SASH1: variants seen among roughly 807,000 people sequenced by gnomAD.
SASH1 encodes SAM and SH3 domain-containing protein 1.
SASH1 carries 44 observed loss-of-function variants against 125.2 expected under a neutral mutation model. That is an observed-to-expected ratio of 0.35 (90% CI 0.28 to 0.45). The LOEUF (loss-of-function observed/expected upper bound fraction) is 0.45. SASH1 is among the 20% of genes least tolerant of loss of function. SASH1 has a pLI of 1.00. For missense variants in SASH1, 1,426 were observed against 1,614.5 expected, an observed-to-expected ratio of 0.88 and a Z score of 2.00; for synonymous variants, 639 against 649.1, an observed-to-expected ratio of 0.98 and a Z score of 0.24.
chr6:148,478,062 C>A (rs1409839768), intron 7 of SASH1, among the ~76,000 whole-genome samples: 3 of 152,032 alleles, frequency 2.0e-5, no homozygotes, highest in Non-Finnish European at 4.4e-5. Flanking sequence ...GAAAGGGGGA[C>A]CCTCATATAT....
At chr6:148,208,662 T>C in the SASH1 span, among the ~76,000 whole-genome samples, 22 of 152,346 alleles carry the variant, frequency 1.4e-4, no homozygotes, top group Non-Finnish European at 7.3e-5. Flanking sequence ...TAGGTTTAGC[T>C]TTTTCTTGTT....
intron 2 of SASH1, among the ~76,000 whole-genome samples, chr6:148,410,383 G>C (rs1010648183): frequency 2.6e-5 from 4 of 151,996 alleles, no homozygotes; most frequent in Non-Finnish European, 5.9e-5. Flanking sequence ...GAGCAGTCCT[G>C]ATGAGCCCTC....
chr6:148,437,294 G>A (rs1206470056), intron 2 of SASH1, among the ~76,000 whole-genome samples: 1 of 152,020 alleles, frequency 6.6e-6, no homozygotes, highest in Non-Finnish European at 1.5e-5. Context: ...TTTTACTTTA[G>A]AATGTGTTTG....
chr6:148,233,289 G>A, the SASH1 span, among the ~76,000 whole-genome samples: 2 of 151,448 alleles, frequency 1.3e-5, no homozygotes, highest in African/African-American at 2.4e-5. Context: ...GTCTGACACC[G>A]AAGTTCATGC....
intron 1 of SASH1, among the ~76,000 whole-genome samples, chr6:148,308,220 C>G (rs1377748497): frequency 1.3e-5 from 2 of 151,876 alleles, no homozygotes; most frequent in Non-Finnish European, 2.9e-5. Context: ...TGTATCGCAC[C>G]TTGGGCAAAA....
Position 148,390,138 on chromosome 6 carries a change from G to T in SASH1, c.161G>T (p.Gly54Val). 2 of 1,613,108 alleles carry T rather than the reference G, an allele frequency of 1.2e-6. No homozygotes were observed. Among genetic ancestry groups the T allele is most frequent in the Non-Finnish European group, 1.7e-6 (2 of 1,179,460 alleles). Residue 54 changes from glycine (G) to valine (V), a missense_variant, in exon 2 of 20, where the codon GGT becomes GTT. Physicochemically the swap from Gly to Val is moderately radical, Grantham distance 109. Around this residue, in one of 3 missense-constraint regions of SASH1, gnomAD observed 567 missense variants for 575.6 expected, o/e 0.99. Transcript: ENST00000367467. Reference sequence around the variant, plus strand: ...TTTGTTTGTCCACCCCTTCAGGACGGTTCACTGGGAAACATCGATGACCTG... The same window carrying T: ...TTTGTTTGTCCACCCCTTCAGGACGTTTCACTGGGAAACATCGATGACCTG... The part of the protein sequence containing the change: ...LWTDVMGILD[G>V]SLGNIDDLAQ...
At chr6:148,484,175 T>C (rs117624603) in intron 7 of SASH1, among the ~76,000 whole-genome samples, 2,368 of 152,268 alleles carry the variant, frequency 0.016, 41 homozygotes, top group Admixed American at 0.05. Flanking sequence ...CTAGTAGAAA[T>C]TGGAACATTA....
intron 2 of SASH1, among the ~76,000 whole-genome samples, chr6:148,422,792 C>A (rs1043619768): frequency 1.3e-5 from 2 of 151,992 alleles, no homozygotes; most frequent in African/African-American, 4.8e-5. Context: ...CCATTATAAA[C>A]CTGATTTTGC....
At chr6:148,308,274 G>GCC (rs10693455) in intron 1 of SASH1, among the ~76,000 whole-genome samples, 25,516 of 149,754 alleles carry the variant, frequency 0.17, 2,394 homozygotes, top group South Asian at 0.29. Context: ...TATTAAATCC[G>GCC]CCCCCCCCAA....
At chr6:148,275,490 A>G (rs1779160049) in intron 1 of SASH1, among the ~76,000 whole-genome samples, 1 of 152,102 alleles carries the variant, frequency 6.6e-6, no homozygotes. Flanking sequence ...CACACAGTTA[A>G]TACTCTTCTG....
chr6:148,439,775 C>CAA (rs34995107), intron 2 of SASH1, among the ~76,000 whole-genome samples: 6,491 of 133,154 alleles, frequency 0.049, 173 homozygotes, highest in East Asian at 0.079. Flanking sequence ...GACTCTGTCT[C>CAA]AAAAAAAAAA....
the SASH1 span, among the ~76,000 whole-genome samples, chr6:148,262,906 A>G: frequency 1.3e-5 from 2 of 152,246 alleles, no homozygotes; most frequent in East Asian, 1.9e-4. Flanking sequence ...TAAAAGCCCA[A>G]TTAATGGGGG....
At chr6:148,396,701 G>A (rs541439390) in intron 2 of SASH1, among the ~76,000 whole-genome samples, 44 of 152,206 alleles carry the variant, frequency 2.9e-4, no homozygotes, top group South Asian at 8.3e-4. Flanking sequence ...GCCCTTACCC[G>A]GGCTTGTTGC....
rs997451715 is a variant in SASH1, at chr6:148,391,097, A to G, written c.285+835A>G. Among the ~76,000 whole-genome samples, 27 of 150,180 alleles carry G rather than the reference A, an allele frequency of 1.8e-4. 1 individual carries two copies. Among genetic ancestry groups the G allele is most frequent in the Non-Finnish European group, 3.7e-4 (25 of 67,648 alleles). ...ATTTAAAAATCAGCAAAACTAGCCC[A>G]CCACTAAAGACACTCTTTTTTTTTT... On this transcript the variant is annotated intron_variant, in intron 2 of 19. Coordinates refer to ENST00000367467, the MANE Select transcript of SASH1 (RefSeq NM_015278.5).
intron 1 of SASH1, among the ~76,000 whole-genome samples, chr6:148,284,962 A>G (rs1779443810): frequency 6.6e-6 from 1 of 152,180 alleles, no homozygotes; most frequent in South Asian, 2.1e-4. Flanking sequence ...AATATTTAAT[A>G]CTTTTTCAAA....
chr6:148,512,029 A>ATTTATTTATTTT (rs1554267078), intron 8 of SASH1, among the ~76,000 whole-genome samples: 60 of 145,542 alleles, frequency 4.1e-4, no homozygotes, highest in Admixed American at 2.2e-3. Context: ...TTATTTATTT[A>ATTTATTTATTTT]TTTTTTTGAG....
intron 1 of SASH1, among the ~76,000 whole-genome samples, chr6:148,310,712 G>A (rs901715836): frequency 2.0e-5 from 3 of 151,938 alleles, no homozygotes; most frequent in Non-Finnish European, 4.4e-5. Context: ...TTTTTAAAAC[G>A]GGCAAAAGAT....
chr6:148,284,844 T>C (rs899411807), intron 1 of SASH1, among the ~76,000 whole-genome samples: 1 of 152,174 alleles, frequency 6.6e-6, no homozygotes, highest in Admixed American at 6.5e-5. Context: ...TTTCAGATAA[T>C]TTTCTCCCGA....
chr6:148,338,990 C>G (rs112277322), upstream of SASH1, among the ~76,000 whole-genome samples: 4 of 114,694 alleles, frequency 3.5e-5, no homozygotes, highest in East Asian at 1.1e-3. Context: ...GGGCAATGAG[C>G]GAGACTCTGT....
Sources: allele counts gnomAD v4.1 joint callset (sites outside exome capture counted in the v4.1 genomes callset), GRCh38; gene constraint gnomAD v4.1.1; regional missense constraint gnomAD v4.1.1; transcripts MANE v1.5; gene names NCBI Gene and HGNC (gene_info 2026-07-23, HGNC 2026-07-21).